AXIN1: variants seen among roughly 807,000 people sequenced by gnomAD.
AXIN1 encodes the protein axin-1.
AXIN1 carries 30 observed loss-of-function variants against 76.4 expected under a neutral mutation model. The observed-to-expected ratio is 0.39, with a 90% CI of 0.29 to 0.53. The LOEUF is 0.53. Ranked by LOEUF, AXIN1 falls within the 20% of genes least tolerant of loss-of-function variation. The probability of loss-of-function intolerance (pLI) is 0.66; values close to 1 mark genes in which losing one functional copy is unlikely to be tolerated. For synonymous variants in AXIN1, 545 were observed against 501.4 expected (o/e 1.09, Z -1.16); for missense variants, 1,140 against 1,198.8 (o/e 0.95, Z 0.72).
intron 3 of AXIN1, among the ~76,000 whole-genome samples, chr16:313,027 C>G (rs1036060773): frequency 2.6e-5 from 4 of 152,000 alleles, no homozygotes; most frequent in Non-Finnish European, 5.9e-5. Flanking sequence ...TAATCATCAT[C>G]ATCAGCCGGA....
At chr16:336,816 CA>C (rs57147459) in intron 2 of AXIN1, among the ~76,000 whole-genome samples, 34,963 of 76,896 alleles carry the variant, frequency 0.45, 4,454 homozygotes, top group African/African-American at 0.55. Context: ...GACTCCGCCT[CA>C]AAAAAAAAAA....
intron 2 of AXIN1, among the ~76,000 whole-genome samples, chr16:342,665 G>A (rs763089162): frequency 6.6e-6 from 1 of 152,208 alleles, no homozygotes; most frequent in African/African-American, 2.4e-5. Flanking sequence ...GAGACAGACG[G>A]GACACAGCGG....
intron 4 of AXIN1, among the ~76,000 whole-genome samples, chr16:305,683 A>G (rs900362985): frequency 3.9e-5 from 6 of 152,028 alleles, no homozygotes; most frequent in Non-Finnish European, 8.8e-5. Flanking sequence ...AGCTGGGACT[A>G]CAGGCGCCTG....
At chr16:320,895 A>T (rs2053437427) in intron 2 of AXIN1, among the ~76,000 whole-genome samples, 2 of 151,188 alleles carry the variant, frequency 1.3e-5, no homozygotes, top group South Asian at 4.2e-4. Flanking sequence ...ACACGTCACC[A>T]CGCCCGGCTA....
At chr16:291,064 G>A (rs2141475023) in intron 9 of AXIN1, 126 bp downstream of exon 9, 1 of 887,448 alleles carries the variant, frequency 1.1e-6, no homozygotes, top group Non-Finnish European at 1.8e-6. Flanking sequence ...ACCCTCTCCT[G>A]CCACAGCTGC....
rs2052419140 is a variant in AXIN1 at position 287,689 on chromosome 16, C to T, written c.*433G>A. On this transcript the variant is annotated 3_prime_UTR_variant, in exon 11 of 11. Coordinates refer to ENST00000262320, the MANE Select transcript of AXIN1 (RefSeq NM_003502.4). ...CAAGAGACAAGCTGTGTTGAAGGCACTCGGTGGCGCGTACAATTGACAGAG... is the reference window on the plus strand; with the variant it reads ...CAAGAGACAAGCTGTGTTGAAGGCATTCGGTGGCGCGTACAATTGACAGAG... The T allele has an allele frequency of 5.9e-6, 2 of 340,384 alleles. No homozygotes were observed. The highest frequency in any genetic ancestry group is 4.1e-5 in the South Asian group (1 of 24,668). The allele number at this position is 340,384 out of a possible 1,614,324, so 21.1% of individuals were successfully genotyped here.
chr16:309,931 C>A, intron 4 of AXIN1, 42 bp downstream of exon 4: 2 of 1,594,360 alleles, frequency 1.3e-6, no homozygotes, highest in Non-Finnish European at 1.7e-6. Context: ...CCACGCTGAG[C>A]GGGGAGGACG....
intron 2 of AXIN1, among the ~76,000 whole-genome samples, chr16:330,095 C>T (rs1399221171): frequency 1.4e-5 from 2 of 147,696 alleles, no homozygotes; most frequent in Non-Finnish European, 3.0e-5. Context: ...GGGTCTCTCT[C>T]TGTCAACCAG....
intron 2 of AXIN1, among the ~76,000 whole-genome samples, chr16:333,342 A>G (rs2053733032): frequency 2.0e-5 from 3 of 151,738 alleles, no homozygotes; most frequent in Admixed American, 1.3e-4. Context: ...CGAAAAAAAA[A>G]AATTAGTGGG....
intron 10 of AXIN1, among the ~76,000 whole-genome samples, chr16:288,806 G>A (rs1192531910): frequency 6.6e-6 from 1 of 152,244 alleles, no homozygotes. Flanking sequence ...GGTAGGAGGG[G>A]GCTTGGCTTT....
At chr16:307,415 G>A (rs1412757731) in intron 4 of AXIN1, among the ~76,000 whole-genome samples, 3 of 152,216 alleles carry the variant, frequency 2.0e-5, no homozygotes, top group African/African-American at 4.8e-5. Flanking sequence ...AAATGAAAAC[G>A]TGAAACTTCC....
chr16:341,527 G>A (rs1045998108), intron 2 of AXIN1, among the ~76,000 whole-genome samples: 2 of 152,256 alleles, frequency 1.3e-5, no homozygotes, highest in Non-Finnish European at 2.9e-5. Context: ...GCTGCAGCCC[G>A]CCATGCCTAA....
intron 8 of AXIN1, 200 bp from the exon 9 acceptor site, chr16:291,497 C>G: frequency 1.6e-6 from 1 of 623,478 alleles, no homozygotes; most frequent in Non-Finnish European, 2.9e-6. Flanking sequence ...GATACTGCAG[C>G]GCGCCCCACA....
chr16:289,821 G>A (rs1334828173), intron 9 of AXIN1: 19 of 641,666 alleles, frequency 3.0e-5, no homozygotes, highest in Non-Finnish European at 4.9e-5. Context: ...CTGGGAGCAC[G>A]AAGGTCTCCC....
chr16:337,070 A>C (rs1259727647), intron 2 of AXIN1, among the ~76,000 whole-genome samples: 3 of 138,364 alleles, frequency 2.2e-5, no homozygotes, highest in Non-Finnish European at 4.5e-5. Flanking sequence ...GGAGCTCTTG[A>C]GCCTGGGAGG....
At chr16:347,945 A>G (rs2054066084) in intron 1 of AXIN1, among the ~76,000 whole-genome samples, 1 of 152,248 alleles carries the variant, frequency 6.6e-6, no homozygotes, top group South Asian at 2.1e-4. Flanking sequence ...CAGAGAAGGT[A>G]CAGAATAAAA....
At chr16:332,720 G>GA (rs910869966) in intron 2 of AXIN1, among the ~76,000 whole-genome samples, 2 of 146,114 alleles carry the variant, frequency 1.4e-5, no homozygotes, top group Non-Finnish European at 3.0e-5. Flanking sequence ...GCAAGGGCAG[G>GA]AAAAAAATGT....
intron 2 of AXIN1, among the ~76,000 whole-genome samples, chr16:320,743 A>ATATATATATATATTTTT (rs397722732): frequency 2.8e-5 from 3 of 107,662 alleles, no homozygotes; most frequent in African/African-American, 1.4e-4. Context: ...ATATATATAT[A>ATATATATATATATTTTT]TTTTTTTTTT....
intron 2 of AXIN1, among the ~76,000 whole-genome samples, chr16:318,025 G>A (rs1182058952): frequency 1.3e-5 from 2 of 152,320 alleles, no homozygotes; most frequent in East Asian, 3.9e-4. Context: ...ACGGCACTTG[G>A]TGCGTCTGTA....
Sources: gnomAD v4.1 joint callset for allele counts (sites outside exome capture counted in the v4.1 genomes callset) on GRCh38, gnomAD v4.1.1 for gene constraint, MANE v1.5 for transcripts, NCBI Gene and HGNC (gene_info 2026-07-23, HGNC 2026-07-21) for gene names.